Variants in NOXA1 observed in about 807,000 individuals in gnomAD.
NOXA1 encodes NADPH oxidase activator 1.
In NOXA1, 56 loss-of-function variants were observed where a neutral mutation model predicts 64.8. That is an observed-to-expected ratio of 0.86 (90% CI 0.70 to 1.08). The LOEUF (loss-of-function observed/expected upper bound fraction) is 1.08. Ranked by LOEUF, NOXA1 falls within the 50% of genes least tolerant of loss-of-function variation. The probability of loss-of-function intolerance (pLI) is 0.00; values close to 1 mark genes in which losing one functional copy is unlikely to be tolerated. For missense variants in NOXA1, 668 were observed against 658.5 expected (o/e 1.01, Z -0.16); for synonymous variants, 295 against 294.8 (o/e 1.00, Z -0.01).
chr9:137,428,096 C>A lies in NOXA1; in HGVS notation c.324C>A (p.Ile108=), dbSNP rs758785128. The A allele has an allele frequency of 1.9e-6, 3 of 1,585,330 alleles. No homozygotes were observed. In the East Asian group the frequency reaches 6.9e-5, roughly 36 times the overall value. ...ALEQLRGHAA[I]DYTQLGLRFK... ...AGCAGCTGAGGGGCCACGCTGCCATCGACTACACGCAGCTGGGCCTGCGGT... is the reference window on the plus strand; with the variant it reads ...AGCAGCTGAGGGGCCACGCTGCCATAGACTACACGCAGCTGGGCCTGCGGT... The change falls in exon 3 of 14, where the codon ATC becomes ATA. Residue 108 remains isoleucine (I), a synonymous_variant. Coordinates refer to ENST00000683555, the MANE Select transcript of NOXA1 (RefSeq NM_001256067.2).
chr9:137,433,410 C>T, intron 10 of NOXA1, 43 bp from the exon 11 acceptor site: 11 of 1,565,332 alleles, frequency 7.0e-6, no homozygotes, highest in Non-Finnish European at 9.5e-6. Context: ...TGACCAGGCC[C>T]TGGGCCTCAG....
chr9:137,431,027 C>T lies in NOXA1; in HGVS notation c.673-48C>T, dbSNP rs201032193. ...CTTCAAGGTTCAGGAGGAGGGAGGGCGGCCCCCGACCCTTAACCAGAGCGA... is the reference window on the plus strand; with the variant it reads ...CTTCAAGGTTCAGGAGGAGGGAGGGTGGCCCCCGACCCTTAACCAGAGCGA... On this transcript the variant is annotated intron_variant, in intron 6 of 13. Coordinates refer to ENST00000683555, the MANE Select transcript of NOXA1 (RefSeq NM_001256067.2). The surrounding 1 kb of genome is among the most constrained non-coding windows in gnomAD (Gnocchi z 5.6). 7.8e-5 allele frequency: 126 copies of T among 1,612,280 alleles called. 1 individual carries two copies. Among genetic ancestry groups the T allele is most frequent in the South Asian group, 6.6e-5 (6 of 91,008 alleles).
intron 11 of NOXA1, 56 bp from the exon 12 acceptor site, chr9:137,433,694 A>C: frequency 6.7e-7 from 1 of 1,494,832 alleles, no homozygotes; most frequent in Non-Finnish European, 9.0e-7. Flanking sequence ...GGCAGAGGTC[A>C]CTGCCCTCCC....
rs749484501 is a variant in NOXA1, at chr9:137,434,060, G to A, written c.1275G>A (p.Thr425=). Residue 425 remains threonine (T), a synonymous_variant, in exon 13 of 14, where the codon ACG becomes ACA. Transcript: ENST00000683555. ...PEDLGFRQGD[T]VDVLCEVDQA... is the part of the protein sequence containing the mutation. The stretch of plus-strand genomic sequence containing the variant: ...ACCTGGGCTTCCGACAGGGGGACAC[G>A]GTGGACGTCCTGTGTGAAGGTAGGG... The A allele has an allele frequency of 8.2e-6, 13 of 1,579,676 alleles. No individual in the cohort carries two copies. Among genetic ancestry groups the A allele is most frequent in the African/African-American group, 1.3e-5 (1 of 74,338 alleles).
rs780338253 is a variant in NOXA1, at chr9:137,434,247, C to T, written c.1318C>T (p.His440Tyr). The change falls in exon 14 of 14, where the codon CAC becomes TAC. Residue 440 changes from histidine (H) to tyrosine (Y), a missense_variant. Physicochemically the swap from His to Tyr is moderately conservative, Grantham distance 83 (BLOSUM62 2). Transcript: ENST00000683555. ...AGTGGACCAGGCATGGCTGGAGGGCCACTGTGACGGCCGCATCGGCATCTT... is the reference window on the plus strand; with the variant it reads ...AGTGGACCAGGCATGGCTGGAGGGCTACTGTGACGGCCGCATCGGCATCTT... ...CEVDQAWLEG[H>Y]CDGRIGIFPK... 2 of 1,610,660 alleles carry T rather than the reference C, an allele frequency of 1.2e-6. No homozygotes were observed. The highest frequency in any genetic ancestry group is 3.3e-5 in the Admixed American group (2 of 59,982).
At position 137,433,845 on chromosome 9, in the gene NOXA1, G is replaced by A. The variant is rs555391705; in HGVS notation, c.1160G>A (p.Gly387Glu). The A allele has an allele frequency of 5.5e-6, 8 of 1,451,810 alleles. No individual in the cohort carries two copies. The African/African-American group carries it at 1.1e-4, about 21-fold the overall frequency. 89.9% of individuals were successfully genotyped at this position (1,451,810 alleles called of 1,614,324 possible). A position where few individuals can be genotyped will look rare whatever the true frequency, so the allele number is the denominator to read the frequency against. Residue 387 changes from glycine to glutamate, a missense_variant, in exon 12 of 14, where the codon GGG becomes GAG. By Grantham distance (98) the Gly-to-Glu change is moderately conservative (BLOSUM62 -2). Coordinates refer to ENST00000683555, the MANE Select transcript of NOXA1 (RefSeq NM_001256067.2). ...AWQDAAACPR[G>E]LQLQCRGAGG... ...CAGGACGCAGCTGCCTGCCCCAGGG[G>A]GCTGCAGCTGCAGTGCAGGGTGAGC...
intron 2 of NOXA1, among the ~76,000 whole-genome samples, chr9:137,426,548 G>A (rs1838854580): frequency 6.6e-6 from 1 of 152,088 alleles, no homozygotes; most frequent in African/African-American, 2.4e-5. Context: ...GCTTACCTGG[G>A]CTCTCTGCAC....
chr9:137,426,490 C>T lies in NOXA1; in HGVS notation c.260+160C>T, dbSNP rs146234834. ...CAGGGAAACCTGAGACTGTGGCCCT[C>T]GCCTCTGCTGAGCGCCACCCTTGGA... On this transcript the variant is annotated intron_variant, in intron 2 of 13. Transcript: ENST00000683555. Among the ~76,000 whole-genome samples, 150 of 152,142 alleles carry T rather than the reference C, an allele frequency of 9.9e-4. No individual in the cohort carries two copies. The East Asian group carries it at 0.024, about 24-fold the overall frequency.
In NOXA1 at chr9:137,430,852, G is replaced by C; in HGVS notation, c.672+9G>C. 1 of 1,579,944 alleles carries C rather than the reference G, an allele frequency of 6.3e-7. No individual in the cohort carries two copies. Among genetic ancestry groups the C allele is most frequent in the Non-Finnish European group, 8.6e-7 (1 of 1,165,712 alleles). On this transcript the variant is annotated intron_variant, in intron 6 of 13. Transcript: ENST00000683555. ...GCCCTCAGCAGCCACAGGTGGGTTT[G>C]CGGCCCCTCAGACCCCTGCCTGGCC... is the stretch of plus-strand genomic sequence containing the variant.
chr9:137,432,876 T>C (rs1839174232), intron 8 of NOXA1, among the ~76,000 whole-genome samples, 153 bp from the exon 9 acceptor site: 1 of 152,200 alleles, frequency 6.6e-6, no homozygotes, highest in African/African-American at 2.4e-5. Flanking sequence ...GGCAGCCGAC[T>C]TGTGGCCAGT....
intron 1 of NOXA1, among the ~76,000 whole-genome samples, chr9:137,424,994 G>T (rs892644183): frequency 4.6e-5 from 7 of 152,354 alleles, no homozygotes; most frequent in Non-Finnish European, 7.3e-5. Context: ...GCAGCCCAGG[G>T]TGCAGAGGGT....
chr9:137,433,204 GGGCTGCCGGCAAT>G lies in NOXA1; in HGVS notation c.853_865del (p.Leu285GlyfsTer26). On this transcript the variant is annotated frameshift_variant and splice_region_variant, in exon 10 of 14. Transcript: ENST00000683555. LOFTEE classifies it high-confidence loss of function. ...TGTGTCAGTCTTGCTCTGTCCTACA[GGGCTGCCGGCAAT>G]GGGGGGGCCTGGCCCCGGCCCCTGT... The G allele has an allele frequency of 6.2e-7, 1 of 1,608,330 alleles. No homozygotes were observed. The highest frequency in any genetic ancestry group is 1.3e-5 in the African/African-American group (1 of 74,878).
rs766761492 is a variant in NOXA1 at position 137,429,008 on chromosome 9, C to A, written c.496C>A (p.Gln166Lys). 2 of 1,568,428 alleles carry A rather than the reference C, an allele frequency of 1.3e-6. No homozygotes were observed. The highest frequency in any genetic ancestry group is 2.7e-5 in the African/African-American group (2 of 73,862). ...SLNGLDSALD[Q>K]VQRRGSLPPR... ...GAATGGCCTGGACTCAGCCCTGGACCAAGTGCAGGTGAGGAGTGCCAGCCC... is the reference window on the plus strand; with the variant it reads ...GAATGGCCTGGACTCAGCCCTGGACAAAGTGCAGGTGAGGAGTGCCAGCCC... Residue 166 changes from glutamine to lysine, a missense_variant, in exon 4 of 14, where the codon CAA becomes AAA. Physicochemically the swap from Gln to Lys is moderately conservative, Grantham distance 53 (BLOSUM62 1). Coordinates refer to ENST00000683555, the MANE Select transcript of NOXA1 (RefSeq NM_001256067.2).
At chr9:137,430,377 G>C (rs1267131175) in intron 5 of NOXA1, among the ~76,000 whole-genome samples, 1 of 152,050 alleles carries the variant, frequency 6.6e-6, no homozygotes, top group Non-Finnish European at 1.5e-5. Context: ...GCCCCGGACT[G>C]GCCACGCCCC....
chr9:137,429,161 C>T (rs543071975), intron 4 of NOXA1, 115 bp from the exon 5 acceptor site: 98 of 1,061,244 alleles, frequency 9.2e-5, no homozygotes, highest in Non-Finnish European at 1.2e-4. Flanking sequence ...CTGTGACCTG[C>T]GGGAAGGGGG....
rs1342000869 is a variant in NOXA1, at chr9:137,431,818, C to G, written c.804+477C>G. 6.6e-6 allele frequency among the ~76,000 whole-genome samples: 1 copy of G among 152,202 alleles called. No individual in the cohort carries two copies. Among genetic ancestry groups the G allele is most frequent in the East Asian group, 1.9e-4 (1 of 5,190 alleles). ...GAGAGGCGGAGGAAGGCAGGAACCC[C>G]AGCTGCTCCCAGGGTGGCAGCCGTG... On this transcript the variant is annotated intron_variant, in intron 8 of 13. Transcript: ENST00000683555. The surrounding 1 kb of genome is among the most constrained non-coding windows in gnomAD (Gnocchi z 5.6).
chr9:137,429,122 C>A, intron 4 of NOXA1, 106 bp downstream of exon 4: 1 of 1,416,612 alleles, frequency 7.1e-7, no homozygotes, highest in Non-Finnish European at 9.3e-7. Flanking sequence ...GGCCCTAGTG[C>A]CCAGTTTCGG....
chr9:137,425,855 G>A lies in NOXA1; in HGVS notation c.178-393G>A, dbSNP rs182657139. Among the ~76,000 whole-genome samples, 24 of 150,118 alleles carry A rather than the reference G, an allele frequency of 1.6e-4. 2 individuals carry two copies. The East Asian group carries it at 4.7e-3, about 29-fold the overall frequency. ...CCACTGCACTCCAGCCTGGGTGACA[G>A]AGCGAGACCCCGTCTCAAAAAAAAA... On this transcript the variant is annotated intron_variant, in intron 1 of 13. Coordinates refer to ENST00000683555, the MANE Select transcript of NOXA1 (RefSeq NM_001256067.2).
rs1160024875 is a variant in NOXA1 at position 137,431,185 on chromosome 9, C to T, written c.699-51C>T. ...CACATGGGGCCACGCGGGCCGGGCA[C>T]AGGAGGGCAGTCAGATGGGCAGGGC... On this transcript the variant is annotated intron_variant, in intron 7 of 13. Transcript: ENST00000683555. This position sits in a 1 kb window ranked among gnomAD's most constrained non-coding sequence, Gnocchi z 5.6. The T allele has an allele frequency of 6.2e-7, 1 of 1,609,460 alleles. No individual in the cohort carries two copies. The highest frequency in any genetic ancestry group is 1.7e-5 in the Admixed American group (1 of 59,902).
Sources: gnomAD v4.1 joint callset for allele counts (sites outside exome capture counted in the v4.1 genomes callset) on GRCh38, gnomAD v4.1.1 for gene constraint, Gnocchi (gnomAD v3.1) non-coding constraint, MANE v1.5 for transcripts, NCBI Gene and HGNC (gene_info 2026-07-23, HGNC 2026-07-21) for gene names.